Variants in AKAP6 observed in about 807,000 individuals in gnomAD.
AKAP6 encodes A-kinase anchoring protein 6, also known as A-kinase anchor protein 6.
Under a neutral mutation model 188.5 loss-of-function variants are expected in AKAP6, and 58 were observed. The ratio of observed to expected loss-of-function variants is 0.31; its 90% CI spans 0.25 to 0.38. AKAP6 has a LOEUF of 0.38. Ranked by LOEUF, AKAP6 falls within the 10% of genes least tolerant of loss-of-function variation. The pLI, the probability that AKAP6 is intolerant of heterozygous loss-of-function variation, is 1.00. For missense variants in AKAP6, 2,710 were observed against 2,740.0 expected, an observed-to-expected ratio of 0.99 and a Z score of 0.24; for synonymous variants, 989 against 998.6, an observed-to-expected ratio of 0.99 and a Z score of 0.18.
chr14:32,796,047 A>T (rs60862207), intron 12 of AKAP6, among the ~76,000 whole-genome samples: 3 of 152,202 alleles, frequency 2.0e-5, no homozygotes, highest in Non-Finnish European at 4.4e-5. Flanking sequence ...TACAAAAAGT[A>T]TAAAATATGT....
rs188262755 is a variant in AKAP6, at chr14:32,732,494, C to T, written c.3041C>T (p.Thr1014Met). Reference sequence around the variant, plus strand: ...ATGTCCATCAGACACCTGAAAAAGACGGAGCTGCTTAGTAAGGTTGAAGCT... The same window carrying T: ...ATGTCCATCAGACACCTGAAAAAGATGGAGCTGCTTAGTAAGGTTGAAGCT... ...VEMSIRHLKK[T>M]ELLSKVEALK... is the part of the protein sequence containing the mutation. The change falls in exon 10 of 14, where the codon ACG (threonine) becomes ATG (methionine). Residue 1014 changes from threonine to methionine, a missense_variant. Physicochemically the swap from Thr to Met is moderately conservative, Grantham distance 81. This residue lies in a region of AKAP6 where 2,473 missense variants were observed against 2,426.1 expected (regional missense o/e 1.02). Coordinates refer to ENST00000280979, the MANE Select transcript of AKAP6 (RefSeq NM_004274.5). 122 of 1,613,318 alleles carry T rather than the reference C, an allele frequency of 7.6e-5. 1 individual carries two copies. The highest frequency in any genetic ancestry group is 6.9e-4 in the South Asian group (63 of 91,042).
chr14:32,736,368 A>C (rs1302861456), intron 11 of AKAP6, among the ~76,000 whole-genome samples: 1 of 152,180 alleles, frequency 6.6e-6, no homozygotes, highest in Non-Finnish European at 1.5e-5. Context: ...AAACAAGTTC[A>C]CACATTACAG....
intron 11 of AKAP6, among the ~76,000 whole-genome samples, chr14:32,761,025 G>A (rs1223447281): frequency 6.6e-6 from 1 of 152,120 alleles, no homozygotes; most frequent in African/African-American, 2.4e-5. Flanking sequence ...CACCACAAAC[G>A]GAAAGGAAAG....
intron 2 of AKAP6, among the ~76,000 whole-genome samples, chr14:32,485,440 G>T (rs982742827): frequency 6.6e-6 from 1 of 152,110 alleles, no homozygotes; most frequent in African/African-American, 2.4e-5. Context: ...CAGTGTAAAA[G>T]CATTCCTATT....
At chr14:32,494,206 A>G (rs1403885157) in intron 2 of AKAP6, 1 of 152,156 alleles carries the variant, frequency 6.6e-6, no homozygotes, top group Non-Finnish European at 1.5e-5. Context: ...TCTTCCCTAT[A>G]TCTAGCTATG....
At chr14:32,811,223 A>G (rs1423684148) in intron 12 of AKAP6, among the ~76,000 whole-genome samples, 2 of 130,290 alleles carry the variant, frequency 1.5e-5, no homozygotes, top group African/African-American at 5.8e-5. Flanking sequence ...TGGGTGACAG[A>G]GCGAGACTCC....
intron 3 of AKAP6, among the ~76,000 whole-genome samples, chr14:32,536,945 C>T (rs1330132777): frequency 6.6e-6 from 1 of 152,020 alleles, no homozygotes; most frequent in Non-Finnish European, 1.5e-5. Flanking sequence ...GTTTAGTGTT[C>T]TACTATTAGT....
chr14:32,806,645 C>T (rs2034096465), intron 12 of AKAP6, among the ~76,000 whole-genome samples: 1 of 151,956 alleles, frequency 6.6e-6, no homozygotes, highest in Non-Finnish European at 1.5e-5. Flanking sequence ...CCACTACACT[C>T]CAGCCCGGGC....
chr14:32,821,155 A>G (rs1209284103), intron 12 of AKAP6, among the ~76,000 whole-genome samples: 1 of 152,248 alleles, frequency 6.6e-6, no homozygotes, highest in Non-Finnish European at 1.5e-5. Flanking sequence ...ACAATTTGAC[A>G]ATAATAATCT....
At chr14:32,805,849 G>A (rs2034075015) in intron 12 of AKAP6, among the ~76,000 whole-genome samples, 2 of 152,240 alleles carry the variant, frequency 1.3e-5, no homozygotes, top group Non-Finnish European at 2.9e-5. Context: ...AGACATCCAG[G>A]GGGTTAACAT....
At chr14:32,800,966 A>G (rs954176963) in intron 12 of AKAP6, among the ~76,000 whole-genome samples, 3 of 152,174 alleles carry the variant, frequency 2.0e-5, no homozygotes, top group Non-Finnish European at 2.9e-5. Context: ...GCAGTGAGCC[A>G]TGATTGTACC....
chr14:32,721,381 G>A (rs1411816344), intron 9 of AKAP6, among the ~76,000 whole-genome samples: 1 of 152,168 alleles, frequency 6.6e-6, no homozygotes, highest in Non-Finnish European at 1.5e-5. Context: ...GGAAATTTTT[G>A]AGGGTGATAT....
chr14:32,835,350 A>G lies in AKAP6; in HGVS notation c.*5545A>G, dbSNP rs2098205552. The G allele has an allele frequency of 1.3e-5, 2 of 152,264 alleles. No homozygotes were observed. The highest frequency in any genetic ancestry group is 4.1e-4 in the South Asian group (2 of 4,828). 9.4% of individuals were successfully genotyped at this position (152,264 alleles called of 1,614,324 possible). A position where few individuals can be genotyped will look rare whatever the true frequency, so the allele number is the denominator to read the frequency against. On this transcript the variant is annotated 3_prime_UTR_variant, in exon 14 of 14. Coordinates refer to ENST00000280979, the MANE Select transcript of AKAP6 (RefSeq NM_004274.5). The stretch of plus-strand genomic sequence containing the variant: ...CTTAAAAAATAAAGTGCACTTAAAG[A>G]TTGTTTCACATCCACAGTTTGTTTA...
At chr14:32,635,542 G>T (rs1398828586) in intron 7 of AKAP6, among the ~76,000 whole-genome samples, 1 of 152,074 alleles carries the variant, frequency 6.6e-6, no homozygotes, top group African/African-American at 2.4e-5. Flanking sequence ...TTTAGCTGTG[G>T]CTAGGAAGCT....
chr14:32,813,394 C>CCCCA (rs2034294163), intron 12 of AKAP6, among the ~76,000 whole-genome samples: 1 of 118,008 alleles, frequency 8.5e-6, no homozygotes, highest in Non-Finnish European at 1.8e-5. Flanking sequence ...ACCCTACCCC[C>CCCCA]CCCCCCAACC....
At position 32,821,384 on chromosome 14, in the gene AKAP6, T is replaced by C; in HGVS notation, c.3589-18T>C. On this transcript the variant is annotated intron_variant, in intron 12 of 13. Coordinates refer to ENST00000280979, the MANE Select transcript of AKAP6 (RefSeq NM_004274.5). ...GTTCCCTAATTCTTCTCCTTTTCTT[T>C]TTCTTTCTCTCACACAGGAGACTTT... 1 of 1,551,562 alleles carries C rather than the reference T, an allele frequency of 6.4e-7. No individual in the cohort carries two copies. Among genetic ancestry groups the C allele is most frequent in the Non-Finnish European group, 8.7e-7 (1 of 1,151,536 alleles).
intron 7 of AKAP6, among the ~76,000 whole-genome samples, chr14:32,657,230 T>C (rs977093373): frequency 5.3e-5 from 8 of 152,136 alleles, no homozygotes; most frequent in South Asian, 2.1e-4. Context: ...GAAACATTCA[T>C]TTCCCCATTT....
chr14:32,482,999 A>ATGTGTG (rs1466607038), intron 2 of AKAP6, among the ~76,000 whole-genome samples: 1 of 51,102 alleles, frequency 2.0e-5, no homozygotes, highest in African/African-American at 2.1e-4. Context: ...GTATATATAT[A>ATGTGTG]TATATATATA....
intron 1 of AKAP6, among the ~76,000 whole-genome samples, chr14:32,378,256 G>C (rs1888224909): frequency 6.6e-6 from 1 of 152,124 alleles, no homozygotes; most frequent in Admixed American, 6.5e-5. Context: ...GCAAGTATTA[G>C]ATTTTGTTCT....
Sources: gnomAD v4.1 joint callset for allele counts (sites outside exome capture counted in the v4.1 genomes callset) on GRCh38, gnomAD v4.1.1 for gene constraint, gnomAD v4.1.1 regional missense constraint, MANE v1.5 for transcripts, NCBI Gene and HGNC (gene_info 2026-07-23, HGNC 2026-07-21) for gene names.